The following JMJD1C variants were observed in gnomAD, a reference collection of about 807,000 sequenced individuals.
The protein encoded by JMJD1C is jumonji domain containing 1C.
JMJD1C carries 31 observed loss-of-function variants against 245.3 expected under a neutral mutation model. That is an observed-to-expected ratio of 0.13 (90% CI 0.09 to 0.17). The LOEUF is 0.17. JMJD1C is among the 10% of genes least tolerant of loss of function. The probability of loss-of-function intolerance (pLI) is 1.00; values close to 1 mark genes in which losing one functional copy is unlikely to be tolerated. For synonymous variants in JMJD1C, 1,057 were observed against 1,017.4 expected (o/e 1.04, Z -0.74); for missense variants, 2,691 against 3,000.2 (o/e 0.90, Z 2.41).
At chr10:63,367,324 G>A (rs1945930725) in intron 2 of JMJD1C, among the ~76,000 whole-genome samples, 1 of 151,962 alleles carries the variant, frequency 6.6e-6, no homozygotes. Flanking sequence ...TCAGTTCACC[G>A]CAACCTCCAC....
At chr10:63,182,268 C>A (rs1843583295) in intron 22 of JMJD1C, among the ~76,000 whole-genome samples, 1 of 152,170 alleles carries the variant, frequency 6.6e-6, no homozygotes, top group Non-Finnish European at 1.5e-5. Context: ...CATAAGGTGT[C>A]AGAATCAGAA....
intron 2 of JMJD1C, among the ~76,000 whole-genome samples, chr10:63,309,573 T>C (rs1276772757): frequency 6.7e-6 from 1 of 150,210 alleles, no homozygotes; most frequent in African/African-American, 2.5e-5. Context: ...TTTATAACTG[T>C]ATAACAGACC....
chr10:63,234,211 T>G (rs900225947), intron 3 of JMJD1C, among the ~76,000 whole-genome samples: 6 of 152,000 alleles, frequency 3.9e-5, no homozygotes, highest in Admixed American at 3.3e-4. Context: ...AGACTCTTGT[T>G]TAGAGTCTCT....
chr10:63,207,524 C>T lies in JMJD1C; in HGVS notation c.4145G>A (p.Ser1382Asn). The T allele has an allele frequency of 6.2e-7, 1 of 1,614,176 alleles. No homozygotes were observed. The highest frequency in any genetic ancestry group is 8.5e-7 in the Non-Finnish European group (1 of 1,180,022). Residue 1382 changes from serine to asparagine, a missense_variant, in exon 10 of 26, where the codon AGT becomes AAT. By Grantham distance (46) the Ser-to-Asn change is conservative (BLOSUM62 1). This residue lies in a region of JMJD1C where 1,562 missense variants were observed against 1,490.7 expected (regional missense o/e 1.05). Coordinates refer to ENST00000399262, the MANE Select transcript of JMJD1C (RefSeq NM_032776.3). ...FQAVSQGSVP[S>N]SVMSAVNTMC... The stretch of plus-strand genomic sequence containing the variant: ...CGTATTTACAGCAGACATGACTGAA[C>T]TGGGAACACTGCCCTGTGAGACAGC...
intron 2 of JMJD1C, among the ~76,000 whole-genome samples, chr10:63,358,589 GA>G (rs1945064505): frequency 6.6e-6 from 1 of 151,930 alleles, no homozygotes; most frequent in Non-Finnish European, 1.5e-5. Flanking sequence ...AAAAAATTAT[GA>G]AAACTCAGTA....
chr10:63,436,033 A>G, intron 1 of JMJD1C, among the ~76,000 whole-genome samples: 1 of 152,248 alleles, frequency 6.6e-6, no homozygotes, highest in East Asian at 1.9e-4. Context: ...TCATAGTTTT[A>G]TATTCTATCA....
chr10:63,495,777 A>C (rs1439414890), intron 1 of JMJD1C, among the ~76,000 whole-genome samples: 2 of 151,882 alleles, frequency 1.3e-5, no homozygotes, highest in African/African-American at 4.8e-5. Flanking sequence ...AAGAAGAAGA[A>C]AATTGAGAAA....
intron 2 of JMJD1C, among the ~76,000 whole-genome samples, chr10:63,318,359 T>C (rs1252772908): frequency 6.6e-6 from 1 of 152,170 alleles, no homozygotes; most frequent in Non-Finnish European, 1.5e-5. Context: ...GTCTAATATC[T>C]TGAAATCACC....
intron 2 of JMJD1C, among the ~76,000 whole-genome samples, chr10:63,342,495 G>A (rs979163692): frequency 6.6e-6 from 1 of 152,182 alleles, no homozygotes; most frequent in African/African-American, 2.4e-5. Context: ...GTCCTCAAAT[G>A]CTTCTAAGCT....
At chr10:63,279,852 G>T (rs551988588) in intron 2 of JMJD1C, among the ~76,000 whole-genome samples, 1 of 152,122 alleles carries the variant, frequency 6.6e-6, no homozygotes. Context: ...GGAGTGGGGG[G>T]AATCAAAACT....
intron 2 of JMJD1C, among the ~76,000 whole-genome samples, chr10:63,271,251 G>A (rs957484163): frequency 6.6e-6 from 1 of 151,720 alleles, no homozygotes; most frequent in Non-Finnish European, 1.5e-5. Flanking sequence ...TCAGCTCGCT[G>A]CAACCTCTGC....
intron 1 of JMJD1C, among the ~76,000 whole-genome samples, chr10:63,483,533 T>C (rs1348907869): frequency 6.6e-6 from 1 of 152,224 alleles, no homozygotes; most frequent in Non-Finnish European, 1.5e-5. Context: ...TCTCCAGACA[T>C]TGTCAAATGA....
At chr10:63,301,721 A>T in intron 2 of JMJD1C, 2 of 450,496 alleles carry the variant, frequency 4.4e-6, no homozygotes, top group Non-Finnish European at 8.9e-6. Context: ...AGGGATTAAA[A>T]CCTTGATGAC....
chr10:63,290,633 G>A (rs930681966), intron 2 of JMJD1C, among the ~76,000 whole-genome samples: 1 of 152,160 alleles, frequency 6.6e-6, no homozygotes, highest in Non-Finnish European at 1.5e-5. Context: ...ACACTGGCAA[G>A]ACACAAACAA....
At chr10:63,197,800 G>A (rs1418574168) in intron 12 of JMJD1C, among the ~76,000 whole-genome samples, 1 of 152,132 alleles carries the variant, frequency 6.6e-6, no homozygotes, top group Non-Finnish European at 1.5e-5. Flanking sequence ...CTCAACTCTG[G>A]TACTTTTGAC....
intron 5 of JMJD1C, among the ~76,000 whole-genome samples, chr10:63,216,438 C>A (rs929609898): frequency 5.9e-5 from 9 of 151,880 alleles, no homozygotes; most frequent in African/African-American, 1.9e-4. Context: ...GAGCCGGGCG[C>A]GGTGGCTCAC....
At chr10:63,276,468 A>AG in intron 2 of JMJD1C, among the ~76,000 whole-genome samples, 1 of 148,246 alleles carries the variant, frequency 6.7e-6, no homozygotes, top group Non-Finnish European at 1.5e-5. Flanking sequence ...TCCGTCTCAA[A>AG]AAAAAAAAAA....
intron 2 of JMJD1C, among the ~76,000 whole-genome samples, chr10:63,377,887 G>C (rs952049759): frequency 6.8e-6 from 1 of 146,232 alleles, no homozygotes; most frequent in African/African-American, 2.5e-5. Context: ...GGAAAAGTGA[G>C]ATCTTGTCTA....
intron 2 of JMJD1C, among the ~76,000 whole-genome samples, chr10:63,299,482 G>C (rs1859831252): frequency 6.6e-6 from 1 of 151,380 alleles, no homozygotes; most frequent in Non-Finnish European, 1.5e-5. Flanking sequence ...ATGAGCCACT[G>C]CACCTGGCCC....
Sources: gnomAD v4.1 joint callset for allele counts (sites outside exome capture counted in the v4.1 genomes callset) on GRCh38, gnomAD v4.1.1 for gene constraint, gnomAD v4.1.1 regional missense constraint, MANE v1.5 for transcripts, NCBI Gene and HGNC (gene_info 2026-07-23, HGNC 2026-07-21) for gene names.